Variants in CHD7 observed in about 807,000 individuals in gnomAD.
The protein encoded by CHD7 is chromodomain helicase DNA binding protein 7.
CHD7 carries 24 observed loss-of-function variants against 307.3 expected under a neutral mutation model. That is an observed-to-expected ratio of 0.08 (90% confidence interval 0.06 to 0.11). The LOEUF (loss-of-function observed/expected upper bound fraction) is 0.11, where lower values mean the gene tolerates loss of function less well. Ranked by LOEUF, CHD7 falls within the 10% of genes least tolerant of loss-of-function variation. The pLI is 1.00. For synonymous variants in CHD7, 1,363 were observed against 1,349.9 expected (o/e 1.01, Z -0.21); for missense variants, 3,106 against 3,727.1 (o/e 0.83, Z 4.34).
At chr8:60,837,123 T>A (rs1425136606) in intron 17 of CHD7, 111 bp downstream of exon 17, 6 of 824,838 alleles carry the variant, frequency 7.3e-6, no homozygotes, top group Non-Finnish European at 1.1e-5. Context: ...ACTCAGGCTG[T>A]GTCCTATGAT....
At chr8:60,680,404 G>C (rs1352573348) in intron 1 of CHD7, among the ~76,000 whole-genome samples, 1 of 130,038 alleles carries the variant, frequency 7.7e-6, no homozygotes, top group African/African-American at 2.8e-5. Context: ...GTCGCGGGGG[G>C]GGGGGGCGGG....
intron 3 of CHD7, among the ~76,000 whole-genome samples, chr8:60,787,572 T>A (rs1176014063): frequency 2.0e-5 from 3 of 152,148 alleles, no homozygotes; most frequent in Non-Finnish European, 2.9e-5. Context: ...GCACTTTTTT[T>A]AAGTAAGACA....
At chr8:60,767,823 A>G (rs1255179830) in intron 2 of CHD7, among the ~76,000 whole-genome samples, 1 of 152,204 alleles carries the variant, frequency 6.6e-6, no homozygotes, top group Non-Finnish European at 1.5e-5. Context: ...ACAAACATGA[A>G]TGAAGTTTTT....
intron 1 of CHD7, chr8:60,679,661 TCCCGCCCCCGCCC>T (rs1457002992): frequency 6.9e-6 from 1 of 145,266 alleles, no homozygotes; most frequent in Non-Finnish European, 1.5e-5. Context: ...GACCCCCGCC[TCCCGCCCCCGCCC>T]CCCGCTCCGG....
At chr8:60,790,422 T>C (rs1333536628) in intron 3 of CHD7, among the ~76,000 whole-genome samples, 1 of 152,208 alleles carries the variant, frequency 6.6e-6, no homozygotes, top group Non-Finnish European at 1.5e-5. Context: ...AGGCAAGGTA[T>C]GTAGATGGTA....
In CHD7 at chr8:60,852,694, A is replaced by G; in HGVS notation, c.6091A>G (p.Lys2031Glu). 2 of 1,613,926 alleles carry G rather than the reference A, an allele frequency of 1.2e-6. No homozygotes were observed. Among genetic ancestry groups the G allele is most frequent in the Non-Finnish European group, 1.7e-6 (2 of 1,179,862 alleles). ...MCRRVCRMPV[K>E]PDDEPPDLSS... The stretch of plus-strand genomic sequence containing the variant: ...TAGGCGAGTATGTCGAATGCCCGTC[A>G]AGCCAGATGATGGTAGGTACATTTA... Residue 2031 changes from lysine (K) to glutamate (E), a missense_variant, in exon 30 of 38, where the codon AAG becomes GAG. Lys to Glu is a moderately conservative substitution (Grantham distance 56). Transcript: ENST00000423902.
chr8:60,687,896 T>G (rs545950725), intron 1 of CHD7, among the ~76,000 whole-genome samples: 2 of 152,366 alleles, frequency 1.3e-5, no homozygotes, highest in Non-Finnish European at 2.9e-5. Flanking sequence ...ATAAGCATGG[T>G]GCTGCTGTTG....
intron 2 of CHD7, among the ~76,000 whole-genome samples, chr8:60,766,984 C>T (rs1810501497): frequency 6.6e-6 from 1 of 152,106 alleles, no homozygotes; most frequent in Admixed American, 6.5e-5. Context: ...CTGGAGCGCC[C>T]CAGAAATTAT....
At chr8:60,835,619 C>T (rs1475254511) in intron 15 of CHD7, among the ~76,000 whole-genome samples, 2 of 152,170 alleles carry the variant, frequency 1.3e-5, no homozygotes, top group Non-Finnish European at 2.9e-5. Context: ...TGCTCTTACG[C>T]TGTAATTGTT....
rs1272000267 is a variant in CHD7 at position 60,742,436 on chromosome 8, C to A, written c.1004C>A (p.Thr335Lys). 6.2e-7 allele frequency: 1 copy of A among 1,613,892 alleles called. No individual in the cohort carries two copies. Among genetic ancestry groups the A allele is most frequent in the African/African-American group, 1.3e-5 (1 of 74,934 alleles). The change falls in exon 2 of 38, where the codon ACA becomes AAA. Residue 335 changes from threonine to lysine, a missense_variant. Around this residue, in one of 10 missense-constraint regions of CHD7, gnomAD observed 998 missense variants for 1,004.5 expected, o/e 0.99. Transcript: ENST00000423902. ...NTGMNQNLGL[T>K]NNTPMNQSVP... Reference sequence around the variant, plus strand: ...GGGATGAATCAAAATTTAGGCCTTACAAATAATACTCCAATGAATCAGTCC... The same window carrying A: ...GGGATGAATCAAAATTTAGGCCTTAAAAATAATACTCCAATGAATCAGTCC...
At chr8:60,770,372 C>T (rs1810650493) in intron 2 of CHD7, among the ~76,000 whole-genome samples, 1 of 151,650 alleles carries the variant, frequency 6.6e-6, no homozygotes, top group African/African-American at 2.4e-5. Flanking sequence ...ATAATTTTCT[C>T]ACTTGCACAA....
intron 15 of CHD7, among the ~76,000 whole-genome samples, chr8:60,832,858 G>T (rs2150769633): frequency 6.6e-6 from 1 of 152,292 alleles, no homozygotes; most frequent in East Asian, 1.9e-4. Context: ...AGCCTCTTAG[G>T]ACTCCCTAAG....
rs905235341 is a variant in CHD7, at chr8:60,741,853, A to G, written c.421A>G (p.Ser141Gly). 3.1e-6 allele frequency: 5 copies of G among 1,613,772 alleles called. No homozygotes were observed. The South Asian group carries it at 3.3e-5, about 11-fold the overall frequency. The change falls in exon 2 of 38, where the codon AGC becomes GGC. Residue 141 changes from serine (S) to glycine (G), a missense_variant. Around this residue, in one of 10 missense-constraint regions of CHD7, gnomAD observed 998 missense variants for 1,004.5 expected, o/e 0.99. Coordinates refer to ENST00000423902, the MANE Select transcript of CHD7 (RefSeq NM_017780.4). The part of the protein sequence containing the change: ...NERHGQSFVD[S>G]SSMWGPRAVQ... ...GAGGCATGGGCAATCCTTTGTGGAC[A>G]GCAGCTCCATGTGGGGCCCCAGGGC... is the stretch of plus-strand genomic sequence containing the variant.
At chr8:60,733,979 T>C (rs1214755169) in intron 1 of CHD7, among the ~76,000 whole-genome samples, 1 of 152,228 alleles carries the variant, frequency 6.6e-6, no homozygotes, top group Non-Finnish European at 1.5e-5. Flanking sequence ...AAACCATCTT[T>C]AGATACCCAC....
chr8:60,834,470 T>C (rs1368755156), intron 15 of CHD7, among the ~76,000 whole-genome samples: 1 of 152,250 alleles, frequency 6.6e-6, no homozygotes, highest in Non-Finnish European at 1.5e-5. Context: ...GGGCTTGTCC[T>C]GAATCTAGAA....
intron 2 of CHD7, among the ~76,000 whole-genome samples, chr8:60,761,722 G>T (rs1320181787): frequency 6.6e-6 from 1 of 151,952 alleles, no homozygotes; most frequent in African/African-American, 2.4e-5. Context: ...GTATTTTCTA[G>T]AACTTGTTGG....
chr8:60,759,367 T>G (rs1342850471), intron 2 of CHD7, among the ~76,000 whole-genome samples: 2 of 151,818 alleles, frequency 1.3e-5, no homozygotes, highest in African/African-American at 4.8e-5. Context: ...TGCTGTTTGC[T>G]TCTCTCCCTC....
chr8:60,688,864 A>G lies in CHD7; in HGVS notation c.-175+9782A>G, dbSNP rs140870452. ...AGGTCACAGGGTGTTCTCAAAATCT[A>G]TAGGAGCTCCAGATCCTCAAATCTC... is the stretch of plus-strand genomic sequence containing the variant. On this transcript the variant is annotated intron_variant, in intron 1 of 37. Coordinates refer to ENST00000423902, the MANE Select transcript of CHD7 (RefSeq NM_017780.4). Among the ~76,000 whole-genome samples the G allele has an allele frequency of 3.4e-4, 52 of 152,298 alleles. No individual in the cohort carries two copies. In the East Asian group the frequency reaches 7.7e-3, roughly 23 times the overall value.
intron 1 of CHD7, among the ~76,000 whole-genome samples, chr8:60,718,351 G>A (rs191593115): frequency 3.6e-4 from 55 of 152,098 alleles, no homozygotes; most frequent in African/African-American, 1.3e-3. Context: ...GGTGGCAGGC[G>A]CTAATCTCAG....
Sources: gnomAD v4.1 joint callset for allele counts (sites outside exome capture counted in the v4.1 genomes callset) on GRCh38, gnomAD v4.1.1 for gene constraint, gnomAD v4.1.1 regional missense constraint, MANE v1.5 for transcripts, NCBI Gene and HGNC (gene_info 2026-07-23, HGNC 2026-07-21) for gene names.